The following NF2 variants were observed in gnomAD, a reference collection of about 807,000 sequenced individuals.
The protein encoded by NF2 is NF2, moesin-ezrin-radixin like (MERLIN) tumor suppressor, also known as merlin.
Under a neutral mutation model 83.7 loss-of-function variants are expected in NF2, and 8 were observed. The observed-to-expected ratio is 0.10, with a 90% CI of 0.06 to 0.17. The LOEUF is 0.17. Ranked by LOEUF, NF2 falls within the 10% of genes least tolerant of loss-of-function variation. The pLI is 1.00. For missense variants in NF2, 533 were observed against 744.4 expected (o/e 0.72, Z 3.31); for synonymous variants, 266 against 269.6 (o/e 0.99, Z 0.13).
At chr22:29,682,360 T>G (rs138445091) in intron 15 of NF2, among the ~76,000 whole-genome samples, 53 of 152,342 alleles carry the variant, frequency 3.5e-4, no homozygotes, top group African/African-American at 1.2e-3. Flanking sequence ...AGTTAATTTT[T>G]TATTCTTTAC....
At chr22:29,672,566 C>G (rs2066829608) in intron 11 of NF2, among the ~76,000 whole-genome samples, 1 of 151,994 alleles carries the variant, frequency 6.6e-6, no homozygotes, top group African/African-American at 2.4e-5. Flanking sequence ...CCCGCCTCAG[C>G]CTCCCAAAGT....
intron 1 of NF2, among the ~76,000 whole-genome samples, chr22:29,633,352 G>A (rs1328107262): frequency 1.3e-5 from 2 of 151,988 alleles, no homozygotes; most frequent in African/African-American, 4.8e-5. Context: ...GAACCACCTG[G>A]TACTCAAGCC....
At chr22:29,644,273 A>AT (rs2065912411) in intron 4 of NF2, among the ~76,000 whole-genome samples, 1 of 101,020 alleles carries the variant, frequency 9.9e-6, no homozygotes, top group South Asian at 3.4e-4. Flanking sequence ...CGCTCCTCAC[A>AT]TCCCAGACGG....
In NF2 at chr22:29,673,285, C is replaced by G. The variant is rs780987048; in HGVS notation, c.1139C>G (p.Thr380Arg). Residue 380 changes from threonine (T) to arginine (R), a missense_variant, in exon 12 of 16, where the codon ACA (threonine) becomes AGA (arginine). By Grantham distance (71) the Thr-to-Arg change is moderately conservative. Around this residue, in one of 3 missense-constraint regions of NF2, gnomAD observed 326 missense variants for 475.1 expected, o/e 0.69. Transcript: ENST00000338641. ...ANEALMRSEE[T>R]ADLLAEKAQI... Reference sequence around the variant, plus strand: ...GCCCTCCAGATGCGGTCTGAGGAGACAGCTGACCTGTTGGCTGAAAAGGCC... The same window carrying G: ...GCCCTCCAGATGCGGTCTGAGGAGAGAGCTGACCTGTTGGCTGAAAAGGCC... The G allele has an allele frequency of 6.3e-7, 1 of 1,577,956 alleles. No individual in the cohort carries two copies. Among genetic ancestry groups the G allele is most frequent in the Non-Finnish European group, 8.6e-7 (1 of 1,161,838 alleles).
At chr22:29,661,962 C>G (rs932176259) in intron 8 of NF2, among the ~76,000 whole-genome samples, 5 of 151,926 alleles carry the variant, frequency 3.3e-5, no homozygotes, top group African/African-American at 1.2e-4. Flanking sequence ...TACAAGAATT[C>G]CAAAATAATT....
intron 13 of NF2, among the ~76,000 whole-genome samples, chr22:29,676,559 A>C (rs981184677): frequency 6.6e-6 from 1 of 152,206 alleles, no homozygotes; most frequent in Non-Finnish European, 1.5e-5. Context: ...GTCAATCCTG[A>C]AGGAGATCAT....
At chr22:29,672,212 G>T (rs971640080) in intron 11 of NF2, among the ~76,000 whole-genome samples, 1 of 151,988 alleles carries the variant, frequency 6.6e-6, no homozygotes, top group Non-Finnish European at 1.5e-5. Context: ...GACATTTGGG[G>T]CTGACCATCC....
At chr22:29,674,776 GT>G (rs2066909727) in intron 12 of NF2, 59 bp from the exon 13 acceptor site, 1 of 1,456,176 alleles carries the variant, frequency 6.9e-7, no homozygotes, top group African/African-American at 1.4e-5. Context: ...GGGTGGGGTG[GT>G]GTCTTTTCCT....
At chr22:29,644,774 C>A (rs9808853) in intron 4 of NF2, among the ~76,000 whole-genome samples, 4 of 152,052 alleles carry the variant, frequency 2.6e-5, no homozygotes, top group South Asian at 2.1e-4. Context: ...TACGAAAACC[C>A]GTCAGGCGTG....
chr22:29,635,268 G>T (rs561609913), intron 1 of NF2, among the ~76,000 whole-genome samples: 1 of 152,268 alleles, frequency 6.6e-6, no homozygotes, highest in South Asian at 2.1e-4. Flanking sequence ...AACCAATCAG[G>T]TATCAGAGGT....
chr22:29,607,591 G>A (rs1383977678), intron 1 of NF2, among the ~76,000 whole-genome samples: 1 of 152,122 alleles, frequency 6.6e-6, no homozygotes, highest in Non-Finnish European at 1.5e-5. Context: ...AAAATGTCCA[G>A]TTTCCAACAA....
intron 1 of NF2, among the ~76,000 whole-genome samples, chr22:29,616,686 G>A (rs2065088982): frequency 6.6e-6 from 1 of 151,508 alleles, no homozygotes. Flanking sequence ...AGGTTGTGGT[G>A]AGCTGAGATC....
rs528844700 is a variant in NF2 at position 29,652,850 on chromosome 22, G to A, written c.448-1807G>A. ...TACTGTTAAAGCTTAGTACAGTTAC[G>A]ACTTACTGCATCACATCTCTGAGCC... On this transcript the variant is annotated intron_variant, in intron 4 of 15. Coordinates refer to ENST00000338641, the MANE Select transcript of NF2 (RefSeq NM_000268.4). Among the ~76,000 whole-genome samples, 13 of 152,232 alleles carry A rather than the reference G, an allele frequency of 8.5e-5. No individual in the cohort carries two copies. In the East Asian group the frequency reaches 1.9e-3, roughly 23 times the overall value.
At chr22:29,646,059 T>G (rs2065974096) in intron 4 of NF2, among the ~76,000 whole-genome samples, 2 of 152,198 alleles carry the variant, frequency 1.3e-5, no homozygotes, top group Admixed American at 1.3e-4. Flanking sequence ...ATTAATAAGA[T>G]CTTACATGCC....
intron 1 of NF2, among the ~76,000 whole-genome samples, chr22:29,626,346 G>A (rs1045323629): frequency 2.0e-5 from 3 of 151,656 alleles, no homozygotes; most frequent in African/African-American, 4.8e-5. Context: ...TAGAGACAGG[G>A]TTTCACCATG....
chr22:29,636,609 A>C lies in NF2; in HGVS notation c.115-142A>C, dbSNP rs2065653406. 3 of 1,102,654 alleles carry C rather than the reference A, an allele frequency of 2.7e-6. No homozygotes were observed. The highest frequency in any genetic ancestry group is 2.7e-6 in the Non-Finnish European group (2 of 730,678). 68.3% of individuals were successfully genotyped at this position (1,102,654 alleles called of 1,614,324 possible). ...CTCATGGGTTTGTAAAGGAAGCTTT[A>C]AAATTATTTAGGAATTCAGTCCTCA... On this transcript the variant is annotated intron_variant, in intron 1 of 15. Coordinates refer to ENST00000338641, the MANE Select transcript of NF2 (RefSeq NM_000268.4). This position sits in a 1 kb window ranked among gnomAD's most constrained non-coding sequence, Gnocchi z 4.4.
chr22:29,693,364 G>C (rs1248431264), intron 15 of NF2, among the ~76,000 whole-genome samples: 1 of 152,230 alleles, frequency 6.6e-6, no homozygotes, highest in African/African-American at 2.4e-5. Flanking sequence ...CATTCCGCTT[G>C]TTAGTCGGGA....
chr22:29,613,903 C>T (rs993110355), intron 1 of NF2, among the ~76,000 whole-genome samples: 3 of 151,200 alleles, frequency 2.0e-5, no homozygotes, highest in Non-Finnish European at 2.9e-5. Context: ...GGACTACAGG[C>T]GCCTGTCACA....
At chr22:29,693,946 T>C (rs1307382163) in intron 15 of NF2, among the ~76,000 whole-genome samples, 3 of 152,202 alleles carry the variant, frequency 2.0e-5, no homozygotes, top group Non-Finnish European at 4.4e-5. Context: ...GAGTGCTGGC[T>C]CCAGATGCTT....
Sources: allele counts gnomAD v4.1 joint callset (sites outside exome capture counted in the v4.1 genomes callset), GRCh38; gene constraint gnomAD v4.1.1; regional missense constraint gnomAD v4.1.1; non-coding constraint Gnocchi (gnomAD v3.1); transcripts MANE v1.5; gene names NCBI Gene and HGNC (gene_info 2026-07-23, HGNC 2026-07-21).